SLC22A12: variants seen among roughly 807,000 people sequenced by gnomAD.
SLC22A12 encodes the protein solute carrier family 22 member 12, also known as organic anion transporter 4-like protein.
SLC22A12 carries 56 observed loss-of-function variants against 52.7 expected under a neutral mutation model. That is an observed-to-expected ratio of 1.06 (90% CI 0.86 to 1.33). The LOEUF (loss-of-function observed/expected upper bound fraction) is 1.33, where lower values mean the gene tolerates loss of function less well. Ranked by LOEUF, SLC22A12 falls within the 40% of genes most tolerant of loss-of-function variation. SLC22A12 has a pLI of 0.00. For missense variants in SLC22A12, 683 were observed against 741.5 expected (o/e 0.92, Z 0.92); for synonymous variants, 337 against 324.6 (o/e 1.04, Z -0.41).
At chr11:64,597,332 T>A (rs1253276770) in intron 4 of SLC22A12, among the ~76,000 whole-genome samples, 1 of 151,822 alleles carries the variant, frequency 6.6e-6, no homozygotes, top group African/African-American at 2.4e-5. Flanking sequence ...AGACCCCAAA[T>A]CTCCACTTGG....
At chr11:64,593,841 CCTGCCCA>C in intron 4 of SLC22A12, 38 bp downstream of exon 4, 2 of 1,594,430 alleles carry the variant, frequency 1.3e-6, no homozygotes, top group Non-Finnish European at 1.7e-6. Flanking sequence ...CAGAGGAGAT[CCTGCCCA>C]CTCTCCACCC....
chr11:64,595,852 G>GATGGATGT (rs2039169392), intron 4 of SLC22A12, among the ~76,000 whole-genome samples: 2 of 151,136 alleles, frequency 1.3e-5, no homozygotes, highest in African/African-American at 4.9e-5. Flanking sequence ...TGGATGGATG[G>GATGGATGT]ATGGATAGTT....
At position 64,591,314 on chromosome 11, in the gene SLC22A12, T is replaced by C. The variant is rs1489719237; in HGVS notation, c.-243T>C. ...AGCAGCTGCCTCTCTGGGGAGATGC[T>C]GGAGGTCTCGGAATCACCTCACGCG... is the stretch of plus-strand genomic sequence containing the variant. On this transcript the variant is annotated 5_prime_UTR_variant, in exon 1 of 10. Coordinates refer to ENST00000377574, the MANE Select transcript of SLC22A12 (RefSeq NM_144585.4). 7.0e-6 allele frequency: 4 copies of C among 573,756 alleles called. No homozygotes were observed. Among genetic ancestry groups the C allele is most frequent in the Non-Finnish European group, 1.2e-5 (4 of 323,830 alleles). 35.5% of individuals were successfully genotyped at this position (573,756 alleles called of 1,614,324 possible). A position where few individuals can be genotyped will look rare whatever the true frequency, so the allele number is the denominator to read the frequency against.
chr11:64,598,918 G>A lies in SLC22A12; in HGVS notation c.1065G>A (p.Leu355=), dbSNP rs773403428. The A allele has an allele frequency of 1.2e-6, 2 of 1,612,784 alleles. No individual in the cohort carries two copies. Among genetic ancestry groups the A allele is most frequent in the Admixed American group, 1.7e-5 (1 of 60,016 alleles). Residue 355 remains leucine, a synonymous_variant, in exon 6 of 10, where the codon TTG becomes TTA. Transcript: ENST00000377574. The part of the protein sequence containing the change: ...GLRFRTCIST[L]CWFAFGFTFF... ...GCTTCCGGACCTGTATCTCCACGTT[G>A]TGCTGGTAGATGCCCTTCCCCCAAC...
chr11:64,593,751 C>T lies in SLC22A12; in HGVS notation c.778C>T (p.Leu260=), dbSNP rs200690486. 6.2e-6 allele frequency: 10 copies of T among 1,612,920 alleles called. No individual in the cohort carries two copies. The highest frequency in any genetic ancestry group is 6.8e-6 in the Non-Finnish European group (8 of 1,180,028). Residue 260 remains leucine, a synonymous_variant, in exon 4 of 10, where the codon CTG becomes TTG. Transcript: ENST00000377574. ...AVAYGVRDWT[L]LQLVVSVPFF... ...GGCCTACGGTGTGCGGGACTGGACA[C>T]TGCTGCAGCTGGTGGTCTCGGTCCC...
chr11:64,601,431 C>G (rs1219721692), intron 9 of SLC22A12, 57 bp from the exon 10 acceptor site: 2 of 1,573,792 alleles, frequency 1.3e-6, no homozygotes, highest in African/African-American at 2.7e-5. Flanking sequence ...GGACACAGGT[C>G]AAGGGTCAGG....
chr11:64,600,694 G>T, intron 8 of SLC22A12, 41 bp from the exon 9 acceptor site: 1 of 1,600,970 alleles, frequency 6.2e-7, no homozygotes. Flanking sequence ...AAGGCTGTGG[G>T]CACACAGACC....
chr11:64,592,057 A>C, intron 1 of SLC22A12, 99 bp downstream of exon 1: 3 of 1,499,980 alleles, frequency 2.0e-6, no homozygotes, highest in Middle Eastern at 1.7e-4. Flanking sequence ...GGAGGGACCC[A>C]CCTCCCCAGG....
chr11:64,598,953 A>C, intron 6 of SLC22A12, 30 bp downstream of exon 6: 1 of 1,610,008 alleles, frequency 6.2e-7, no homozygotes, highest in Non-Finnish European at 8.5e-7. Flanking sequence ...CCCCACCTCC[A>C]CAGGGGAACC....
In SLC22A12 at chr11:64,601,834, C is replaced by G; in HGVS notation, c.*283C>G. 1 of 444,412 alleles carries G rather than the reference C, an allele frequency of 2.3e-6. No homozygotes were observed. Among genetic ancestry groups the G allele is most frequent in the South Asian group, 2.1e-5 (1 of 48,400 alleles). 27.5% of individuals were successfully genotyped at this position (444,412 alleles called of 1,614,324 possible). A position where few individuals can be genotyped will look rare whatever the true frequency, so the allele number is the denominator to read the frequency against. On this transcript the variant is annotated 3_prime_UTR_variant, in exon 10 of 10. Coordinates refer to ENST00000377574, the MANE Select transcript of SLC22A12 (RefSeq NM_144585.4). ...TCGTGGCTTCGGAGAGCAGAGGGGT[C>G]AGGCCCAGGGGAACGAGCTGGCCTT...
At position 64,593,771 on chromosome 11, in the gene SLC22A12, G is replaced by A. The variant is rs572402167; in HGVS notation, c.798G>A (p.Ser266=). 3.2e-5 allele frequency: 51 copies of A among 1,610,662 alleles called. No homozygotes were observed. The highest frequency in any genetic ancestry group is 2.2e-4 in the East Asian group (10 of 44,872). Residue 266 remains serine, a synonymous_variant, in exon 4 of 10, where the codon TCG becomes TCA. Transcript: ENST00000377574. ...GGACACTGCTGCAGCTGGTGGTCTC[G>A]GTCCCCTTCTTCCTCTGCTTTTTGT... ...RDWTLLQLVV[S]VPFFLCFLYS... is the part of the protein sequence containing the mutation.
chr11:64,597,802 G>T (rs768729957), intron 4 of SLC22A12, among the ~76,000 whole-genome samples: 1 of 152,166 alleles, frequency 6.6e-6, no homozygotes, highest in African/African-American at 2.4e-5. Context: ...CATAAGCTCG[G>T]TTTGACACTG....
chr11:64,600,987 C>T, intron 9 of SLC22A12, 49 bp downstream of exon 9: 2 of 1,597,434 alleles, frequency 1.3e-6, no homozygotes, highest in Non-Finnish European at 1.7e-6. Flanking sequence ...CCAGAGAACC[C>T]TAGCACAGGG....
At chr11:64,591,984 A>G in intron 1 of SLC22A12, 26 bp downstream of exon 1, 1 of 1,606,052 alleles carries the variant, frequency 6.2e-7, no homozygotes, top group Non-Finnish European at 8.5e-7. Context: ...GAGCCACTCG[A>G]GTCCCACCAC....
intron 4 of SLC22A12, among the ~76,000 whole-genome samples, chr11:64,595,963 GAT>G (rs2039185907): frequency 7.1e-6 from 1 of 140,346 alleles, no homozygotes; most frequent in Non-Finnish European, 1.6e-5. Context: ...TGGATGGATG[GAT>G]GGAATGGATG....
Position 64,599,883 on chromosome 11 carries a change from G to C in SLC22A12, c.1278G>C (p.Val426=). ...TCTGCATTCTGGCCAACACGCTGGT[G>C]CCCCACGGTGAGGGGGCAAAGCTGT... is the stretch of plus-strand genomic sequence containing the variant. ...AGLCILANTL[V]PHEMGALRSA... is the part of the protein sequence containing the mutation. The change falls in exon 7 of 10, where the codon GTG becomes GTC. Residue 426 remains valine (V), a synonymous_variant. Coordinates refer to ENST00000377574, the MANE Select transcript of SLC22A12 (RefSeq NM_144585.4). 1 of 1,612,480 alleles carries C rather than the reference G, an allele frequency of 6.2e-7. No individual in the cohort carries two copies. Among genetic ancestry groups the C allele is most frequent in the Non-Finnish European group, 8.5e-7 (1 of 1,179,778 alleles).
At position 64,591,375 on chromosome 11, in the gene SLC22A12, C is replaced by T; in HGVS notation, c.-182C>T. 2 of 779,730 alleles carry T rather than the reference C, an allele frequency of 2.6e-6. No homozygotes were observed. The highest frequency in any genetic ancestry group is 2.7e-5 in the East Asian group (1 of 37,532). 48.3% of individuals were successfully genotyped at this position (779,730 alleles called of 1,614,324 possible). ...CCAGTTGGAGCCACCCCAAGTGACA[C>T]CAGCAGGCAGATGACCAGAGAGCCT... On this transcript the variant is annotated 5_prime_UTR_variant, in exon 1 of 10. Transcript: ENST00000377574.
Position 64,593,037 on chromosome 11 carries a change from G to A in SLC22A12, c.506+155G>A, listed in dbSNP as rs756948216. Among the ~76,000 whole-genome samples the A allele has an allele frequency of 4.8e-5, 7 of 145,714 alleles. No individual in the cohort carries two copies. The South Asian group carries it at 8.8e-4, about 18-fold the overall frequency. ...GTCTCGGACCAGCCACCCTGCAGCC[G>A]TGCCAGGTAGGGAGGTCTGGAACCT... On this transcript the variant is annotated intron_variant, in intron 2 of 9. Transcript: ENST00000377574.
intron 4 of SLC22A12, among the ~76,000 whole-genome samples, chr11:64,594,334 CCA>C (rs2039017089): frequency 6.6e-6 from 1 of 152,266 alleles, no homozygotes; most frequent in Admixed American, 6.5e-5. Flanking sequence ...TCCACAGTCC[CCA>C]CAGAGGGCCG....
Sources: allele counts gnomAD v4.1 joint callset (sites outside exome capture counted in the v4.1 genomes callset), GRCh38; gene constraint gnomAD v4.1.1; transcripts MANE v1.5; gene names NCBI Gene and HGNC (gene_info 2026-07-23, HGNC 2026-07-21).